The following CAMK1D variants were observed in gnomAD, a reference collection of about 807,000 sequenced individuals.
CAMK1D encodes the protein calcium/calmodulin-dependent protein kinase type 1D.
CAMK1D carries 9 observed loss-of-function variants against 47.7 expected under a neutral mutation model. That is an observed-to-expected ratio of 0.19 (90% CI 0.11 to 0.33). The LOEUF (loss-of-function observed/expected upper bound fraction) is 0.33, where lower values mean the gene tolerates loss of function less well. CAMK1D is among the 10% of genes least tolerant of loss of function. CAMK1D has a pLI of 1.00. For missense variants in CAMK1D, 291 were observed against 488.7 expected (o/e 0.60, Z 3.81); for synonymous variants, 184 against 184.9 (o/e 0.99, Z 0.04).
chr10:12,621,874 T>G (rs1839009976), intron 2 of CAMK1D, among the ~76,000 whole-genome samples: 1 of 152,094 alleles, frequency 6.6e-6, no homozygotes, highest in African/African-American at 2.4e-5. Flanking sequence ...ACCTTCTATG[T>G]TAGATGGCTT....
At chr10:12,781,607 G>A (rs945984743) in intron 5 of CAMK1D, among the ~76,000 whole-genome samples, 1 of 151,846 alleles carries the variant, frequency 6.6e-6, no homozygotes, top group South Asian at 2.1e-4. Flanking sequence ...GGTGAAACTC[G>A]AGGCTACTGG....
At position 12,832,540 on chromosome 10, in the gene CAMK1D, C is replaced by T. The variant is rs968081359; in HGVS notation, c.*3653C>T. 2 of 152,230 alleles carry T rather than the reference C, an allele frequency of 1.3e-5. No homozygotes were observed. Among genetic ancestry groups the T allele is most frequent in the Non-Finnish European group, 2.9e-5 (2 of 68,064 alleles). The allele number at this position is 152,230 out of a possible 1,614,324, so 9.4% of individuals were successfully genotyped here. ...CTGATTTTCACCAGTTCCTCCTACC[C>T]CTGCCTCTGTCGGAGACTAGAAAAC... is the stretch of plus-strand genomic sequence containing the variant. On this transcript the variant is annotated 3_prime_UTR_variant, in exon 11 of 11. Coordinates refer to ENST00000619168, the MANE Select transcript of CAMK1D (RefSeq NM_153498.4).
rs185500757 is a variant in CAMK1D at position 12,722,303 on chromosome 10, G to A, written c.300-38645G>A. 3.0e-4 allele frequency among the ~76,000 whole-genome samples: 45 copies of A among 151,728 alleles called. No individual in the cohort carries two copies. The East Asian group carries it at 6.0e-3, about 20-fold the overall frequency. The stretch of plus-strand genomic sequence containing the variant: ...TACTAAAAATACAAAACAATTAGCC[G>A]GGCTTGGTGGTGGGTGCCTGTAGTC... On this transcript the variant is annotated intron_variant, in intron 3 of 10. Transcript: ENST00000619168.
chr10:12,751,608 G>C (rs1835988958), intron 3 of CAMK1D, among the ~76,000 whole-genome samples: 1 of 152,226 alleles, frequency 6.6e-6, no homozygotes. Context: ...TATAACTGGT[G>C]TGTGCTGTGC....
chr10:12,690,184 A>C (rs572562392), intron 3 of CAMK1D, among the ~76,000 whole-genome samples: 1 of 152,332 alleles, frequency 6.6e-6, no homozygotes, highest in South Asian at 2.1e-4. Context: ...GGTGACCCAG[A>C]GAACTGCCAG....
intron 1 of CAMK1D, among the ~76,000 whole-genome samples, chr10:12,423,480 G>A (rs1045717928): frequency 6.6e-6 from 1 of 151,336 alleles, no homozygotes; most frequent in Non-Finnish European, 1.5e-5. Flanking sequence ...CTGTGACTAC[G>A]CTCCAGCCCA....
chr10:12,692,495 A>G (rs1162746453), intron 3 of CAMK1D, among the ~76,000 whole-genome samples: 1 of 152,248 alleles, frequency 6.6e-6, no homozygotes, highest in East Asian at 1.9e-4. Context: ...ATAATAAAAT[A>G]TGAAATGTCA....
At chr10:12,535,431 C>A (rs1324730589) in intron 1 of CAMK1D, among the ~76,000 whole-genome samples, 2 of 152,166 alleles carry the variant, frequency 1.3e-5, no homozygotes, top group Non-Finnish European at 2.9e-5. Flanking sequence ...TAGTGGTTAA[C>A]TCTACCCCAT....
At chr10:12,357,142 G>A (rs1276087447) in intron 1 of CAMK1D, among the ~76,000 whole-genome samples, 2 of 151,952 alleles carry the variant, frequency 1.3e-5, no homozygotes, top group Non-Finnish European at 2.9e-5. Context: ...CTTGCCCACC[G>A]GGGATATGTT....
intron 1 of CAMK1D, among the ~76,000 whole-genome samples, chr10:12,364,691 T>C (rs2131846711): frequency 6.6e-6 from 1 of 151,932 alleles, no homozygotes; most frequent in Admixed American, 6.6e-5. Context: ...GCCATTGGAG[T>C]CAGTTGTGTG....
intron 3 of CAMK1D, among the ~76,000 whole-genome samples, chr10:12,750,229 G>A (rs944957486): frequency 1.3e-5 from 2 of 152,116 alleles, no homozygotes; most frequent in Non-Finnish European, 2.9e-5. Context: ...CCCTGTCCAT[G>A]TGGCACAGTT....
rs76964056 is a variant in CAMK1D, at chr10:12,669,581, A to G, written c.299+2771A>G. On this transcript the variant is annotated intron_variant, in intron 3 of 10. Transcript: ENST00000619168. ...AGTCACTGTATCCATTTAAATGGAC[A>G]CTTCAGTGATGAACGTGAGAGAATC... Among the ~76,000 whole-genome samples, 610 of 152,224 alleles carry G rather than the reference A, an allele frequency of 4.0e-3. 5 individuals carry two copies. Among genetic ancestry groups the G allele is most frequent in the African/African-American group, 0.014 (587 of 41,528 alleles).
At chr10:12,618,360 C>G (rs1299620358) in intron 2 of CAMK1D, among the ~76,000 whole-genome samples, 5 of 152,212 alleles carry the variant, frequency 3.3e-5, no homozygotes, top group African/African-American at 1.2e-4. Context: ...TCAATGCATG[C>G]TCTTTCTAAC....
intron 2 of CAMK1D, among the ~76,000 whole-genome samples, chr10:12,627,587 A>G (rs1312851274): frequency 6.6e-6 from 1 of 152,080 alleles, no homozygotes; most frequent in African/African-American, 2.4e-5. Context: ...TCTGATTTGT[A>G]TGGCCACATA....
intron 1 of CAMK1D, among the ~76,000 whole-genome samples, chr10:12,365,503 A>G (rs549762389): frequency 2.7e-4 from 41 of 152,046 alleles, no homozygotes; most frequent in Admixed American, 2.2e-3. Context: ...CAGTGGCGCA[A>G]TCTCGGCTCA....
At chr10:12,459,047 T>A (rs186463776) in intron 1 of CAMK1D, among the ~76,000 whole-genome samples, 8 of 151,984 alleles carry the variant, frequency 5.3e-5, no homozygotes, top group Admixed American at 2.0e-4. Context: ...TGTGGCTGAT[T>A]TTTGTATTTT....
intron 3 of CAMK1D, among the ~76,000 whole-genome samples, chr10:12,685,588 T>C (rs184410198): frequency 1.1e-4 from 16 of 152,326 alleles, no homozygotes; most frequent in Admixed American, 7.2e-4. Context: ...ATAAAGAGCC[T>C]GGGCTGTTCA....
chr10:12,453,250 T>C (rs1316157497), intron 1 of CAMK1D, among the ~76,000 whole-genome samples: 1 of 150,966 alleles, frequency 6.6e-6, no homozygotes, highest in Non-Finnish European at 1.5e-5. Flanking sequence ...AGTGCAGTGG[T>C]GCAGTCTTGG....
intron 3 of CAMK1D, among the ~76,000 whole-genome samples, chr10:12,670,232 T>C (rs1840570970): frequency 6.6e-6 from 1 of 150,636 alleles, no homozygotes; most frequent in Non-Finnish European, 1.5e-5. Flanking sequence ...TGGGGTGTAG[T>C]GATATCACAG....
Sources: allele counts gnomAD v4.1 joint callset (sites outside exome capture counted in the v4.1 genomes callset), GRCh38; gene constraint gnomAD v4.1.1; transcripts MANE v1.5; gene names NCBI Gene and HGNC (gene_info 2026-07-23, HGNC 2026-07-21).